Variants in E2F7 observed in about 807,000 individuals in gnomAD.
E2F7 encodes E2F transcription factor 7.
E2F7 carries 35 observed loss-of-function variants against 81.1 expected under a neutral mutation model. The observed-to-expected ratio is 0.43, with a 90% CI of 0.33 to 0.57. The LOEUF (loss-of-function observed/expected upper bound fraction) is 0.57. Ranked by LOEUF, E2F7 falls within the 20% of genes least tolerant of loss-of-function variation. The pLI is 0.04. For missense variants in E2F7, 961 were observed against 1,093.7 expected (o/e 0.88, Z 1.71); for synonymous variants, 416 against 416.2 (o/e 1.00, Z 0.01).
intron 2 of E2F7, among the ~76,000 whole-genome samples, chr12:77,059,968 A>AG (rs1955065466): frequency 6.6e-6 from 1 of 150,578 alleles, no homozygotes; most frequent in Non-Finnish European, 1.5e-5. Context: ...CTCAAAAAAA[A>AG]AAAAAAAAAA....
Position 77,056,108 on chromosome 12 carries a change from G to C in E2F7, c.116C>G (p.Ser39Ter). The change falls in exon 3 of 13, where the codon TCA becomes TGA. Residue 39 changes from serine (S) to a stop codon, truncating the protein, a stop_gained. Transcript: ENST00000322886. LOFTEE classifies it high-confidence loss of function. ...TATTGGAGTCTTCGGGGCCATCCTT[G>C]ATCGATCAACAAATATATTTTCCTA... ...AQKENIFVDR[S>*]RMAPKTPIKN... 6.2e-7 allele frequency: 1 copy of C among 1,604,192 alleles called. No homozygotes were observed. Among genetic ancestry groups the C allele is most frequent in the Non-Finnish European group, 8.5e-7 (1 of 1,177,568 alleles).
At chr12:77,047,672 A>G (rs931256870) in intron 4 of E2F7, among the ~76,000 whole-genome samples, 1 of 152,246 alleles carries the variant, frequency 6.6e-6, no homozygotes, top group Non-Finnish European at 1.5e-5. Context: ...TGAGAACTCC[A>G]GAGCTGATAG....
intron 7 of E2F7, among the ~76,000 whole-genome samples, chr12:77,036,223 C>A (rs1388767447): frequency 6.6e-6 from 1 of 152,184 alleles, no homozygotes; most frequent in Non-Finnish European, 1.5e-5. Context: ...GACACCAAGT[C>A]ATACATCATC....
At chr12:77,043,325 G>A in intron 6 of E2F7, 126 bp from the exon 7 acceptor site, 1 of 1,185,476 alleles carries the variant, frequency 8.4e-7, no homozygotes, top group East Asian at 2.4e-5. Context: ...GTTGGGATGA[G>A]GAGACCAGTG....
chr12:77,056,209 A>G (rs1031804703), intron 2 of E2F7, 79 bp from the exon 3 acceptor site: 2 of 1,395,776 alleles, frequency 1.4e-6, no homozygotes, highest in African/African-American at 1.5e-5. Context: ...CCCACCATTC[A>G]CTAAGACTTG....
At position 77,033,791 on chromosome 12, in the gene E2F7, T is replaced by C. The variant is rs1211886843; in HGVS notation, c.1309+66A>G. The C allele has an allele frequency of 3.5e-6, 5 of 1,439,844 alleles. No individual in the cohort carries two copies. In the African/African-American group the frequency reaches 7.2e-5, roughly 21 times the overall value. 89.2% of individuals were successfully genotyped at this position (1,439,844 alleles called of 1,614,324 possible). A position where few individuals can be genotyped will look rare whatever the true frequency, so the allele number is the denominator to read the frequency against. On this transcript the variant is annotated intron_variant, in intron 8 of 12. Transcript: ENST00000322886. Reference sequence around the variant, plus strand: ...TTTTAAAACGCCAGCACGTGGGTGCTGCACTGGCATGGGCTACAGCTACAT... The same window carrying C: ...TTTTAAAACGCCAGCACGTGGGTGCCGCACTGGCATGGGCTACAGCTACAT...
intron 6 of E2F7, among the ~76,000 whole-genome samples, chr12:77,043,981 C>T (rs1954917639): frequency 6.6e-6 from 1 of 152,184 alleles, no homozygotes; most frequent in Admixed American, 6.5e-5. Context: ...GAAGCATTCA[C>T]CCTGGATGCA....
rs1345462553 is a variant in E2F7, at chr12:77,022,422, C to T, written c.*1593G>A. 6.6e-6 allele frequency: 1 copy of T among 152,404 alleles called. No individual in the cohort carries two copies. Among genetic ancestry groups the T allele is most frequent in the Non-Finnish European group, 1.5e-5 (1 of 68,002 alleles). 9.4% of individuals were successfully genotyped at this position (152,404 alleles called of 1,614,324 possible). The stretch of plus-strand genomic sequence containing the variant: ...ATTTATTTAATGTAGCTACCTACCT[C>T]AAGTTTTAAAAAATCTTGTGGGGGT... On this transcript the variant is annotated 3_prime_UTR_variant, in exon 13 of 13. Transcript: ENST00000322886.
At chr12:77,038,743 T>A (rs2369463) in intron 7 of E2F7, among the ~76,000 whole-genome samples, 1 of 152,038 alleles carries the variant, frequency 6.6e-6, no homozygotes, top group African/African-American at 2.4e-5. Context: ...AAAGGAGCTA[T>A]AAAGAGATAA....
chr12:77,033,775 G>A (rs548170332), intron 8 of E2F7, 82 bp downstream of exon 8: 15 of 1,341,574 alleles, frequency 1.1e-5, no homozygotes, highest in Non-Finnish European at 1.5e-5. Context: ...GTTTTAAAAC[G>A]CCAGCACGTG....
At position 77,046,260 on chromosome 12, in the gene E2F7, C is replaced by A. The variant is rs776122974; in HGVS notation, c.607G>T (p.Ala203Ser). The change falls in exon 5 of 13, where the codon GCT becomes TCT. Residue 203 changes from alanine to serine, a missense_variant. Physicochemically the swap from Ala to Ser is moderately conservative, Grantham distance 99. Coordinates refer to ENST00000322886, the MANE Select transcript of E2F7 (RefSeq NM_203394.3). ...CCATGCCAGCCATACTGATTCTTAG[C>A]CACCCGGCTGACCAGATGCAGCGAC... Reference protein sequence around the residue: ...LESLHLVSRVAKNQYGWHGRH... With the variant: ...LESLHLVSRVSKNQYGWHGRH... 6.2e-7 allele frequency: 1 copy of A among 1,614,194 alleles called. No homozygotes were observed. The highest frequency in any genetic ancestry group is 8.5e-7 in the Non-Finnish European group (1 of 1,180,034).
intron 2 of E2F7, among the ~76,000 whole-genome samples, chr12:77,057,859 C>A (rs914205742): frequency 6.6e-6 from 1 of 152,164 alleles, no homozygotes; most frequent in East Asian, 1.9e-4. Context: ...GATGAGTTCT[C>A]AGTCACTCCT....
rs368812656 is a variant in E2F7 at position 77,049,959 on chromosome 12, A to AG, written c.538+616dup. Among the ~76,000 whole-genome samples, 651 of 152,286 alleles carry AG rather than the reference A, an allele frequency of 4.3e-3. 9 individuals carry two copies. Among genetic ancestry groups the AG allele is most frequent in the African/African-American group, 0.014 (594 of 41,552 alleles). On this transcript the variant is annotated intron_variant, in intron 4 of 12. Transcript: ENST00000322886. Reference sequence around the variant, plus strand: ...TCTGGAACTAACTGCAATGTCCACTAGGGGTCTCTATTCTGAAGCAGGTGT... The same window carrying AG: ...TCTGGAACTAACTGCAATGTCCACTAGGGGGTCTCTATTCTGAAGCAGGTGT...
intron 11 of E2F7, among the ~76,000 whole-genome samples, chr12:77,027,433 A>C (rs1380730582): frequency 6.6e-6 from 1 of 152,150 alleles, no homozygotes; most frequent in Non-Finnish European, 1.5e-5. Context: ...GAGGATGAAG[A>C]ATACTTAAGT....
At chr12:77,062,270 G>A (rs74103260) in intron 2 of E2F7, among the ~76,000 whole-genome samples, 5,845 of 152,198 alleles carry the variant, frequency 0.038, 116 homozygotes, top group South Asian at 0.054. Context: ...TTAAATCACC[G>A]TATCCCCAGC....
At chr12:77,033,300 A>G (rs1001113946) in intron 8 of E2F7, among the ~76,000 whole-genome samples, 178 bp from the exon 9 acceptor site, 3 of 152,124 alleles carry the variant, frequency 2.0e-5, no homozygotes, top group African/African-American at 7.2e-5. Context: ...TTCAGGTCTC[A>G]TTAAGAATTC....
chr12:77,050,473 C>T, intron 4 of E2F7, 103 bp downstream of exon 4: 11 of 1,226,710 alleles, frequency 9.0e-6, no homozygotes, highest in Non-Finnish European at 1.3e-5. Flanking sequence ...CTGTCTTCAC[C>T]CGATTGAGGG....
Position 77,025,425 on chromosome 12 carries a change from T to C in E2F7, c.2565+133A>G, listed in dbSNP as rs374436557. The C allele has an allele frequency of 1.1e-4, 99 of 938,272 alleles. 1 individual carries two copies. In the East Asian group the frequency reaches 1.5e-3, roughly 14 times the overall value. The allele number at this position is 938,272 out of a possible 1,614,324, so 58.1% of individuals were successfully genotyped here. A position where few individuals can be genotyped will look rare whatever the true frequency, so the allele number is the denominator to read the frequency against. On this transcript the variant is annotated intron_variant, in intron 12 of 12. Transcript: ENST00000322886. ...GCTTTATAAAAGGAGCAGATAACTC[T>C]AGGTCTACAACGGAAGCCAGGTGGA...
At chr12:77,052,414 T>C (rs1165956666) in intron 3 of E2F7, among the ~76,000 whole-genome samples, 2 of 152,128 alleles carry the variant, frequency 1.3e-5, no homozygotes, top group Non-Finnish European at 2.9e-5. Context: ...GTAAATGGAA[T>C]TTTAATATGA....
Sources: gnomAD v4.1 joint callset for allele counts (sites outside exome capture counted in the v4.1 genomes callset) on GRCh38, gnomAD v4.1.1 for gene constraint, MANE v1.5 for transcripts, NCBI Gene and HGNC (gene_info 2026-07-23, HGNC 2026-07-21) for gene names.